The following GLT8D2 variants were observed in gnomAD, a reference collection of about 807,000 sequenced individuals.
The protein encoded by GLT8D2 is glycosyltransferase 8 domain containing 2.
GLT8D2 carries 45 observed loss-of-function variants against 44.5 expected under a neutral mutation model. That is an observed-to-expected ratio of 1.01 (90% CI 0.80 to 1.30). The LOEUF (loss-of-function observed/expected upper bound fraction) is 1.30. Ranked by LOEUF, GLT8D2 falls within the 50% of genes most tolerant of loss-of-function variation. The pLI is 0.00. For synonymous variants in GLT8D2, 156 were observed against 157.2 expected, an observed-to-expected ratio of 0.99 and a Z score of 0.06; for missense variants, 400 against 430.4, an observed-to-expected ratio of 0.93 and a Z score of 0.62.
intron 4 of GLT8D2, among the ~76,000 whole-genome samples, chr12:104,012,985 A>AC (rs1876076008): frequency 6.6e-6 from 1 of 152,168 alleles, no homozygotes; most frequent in Non-Finnish European, 1.5e-5. Flanking sequence ...TTGATCCTGG[A>AC]CTTCCAGCCT....
intron 6 of GLT8D2, 119 bp downstream of exon 6, chr12:103,999,278 G>A (rs1329186268): frequency 7.9e-6 from 5 of 634,108 alleles, no homozygotes; most frequent in Non-Finnish European, 1.4e-5. Context: ...GTTTGGTGGA[G>A]ATCAACTCCA....
intron 1 of GLT8D2, among the ~76,000 whole-genome samples, chr12:104,023,478 C>T (rs1370358096): frequency 1.3e-5 from 2 of 152,134 alleles, no homozygotes; most frequent in Admixed American, 1.3e-4. Context: ...TTCCATGACA[C>T]ATTTACTAAA....
intron 1 of GLT8D2, among the ~76,000 whole-genome samples, chr12:104,039,576 C>G (rs1880313704): frequency 6.6e-6 from 1 of 152,192 alleles, no homozygotes; most frequent in Non-Finnish European, 1.5e-5. Context: ...CAGAGAAATG[C>G]AAATCAAAAC....
intron 8 of GLT8D2, among the ~76,000 whole-genome samples, chr12:103,995,240 A>G (rs1223235627): frequency 6.6e-6 from 1 of 152,020 alleles, no homozygotes; most frequent in Non-Finnish European, 1.5e-5. Context: ...AGCTCCTCCA[A>G]TAGCTTCCCA....
chr12:104,032,465 G>GTAAAAAAAAAAA (rs1421816259), intron 1 of GLT8D2, among the ~76,000 whole-genome samples: 1 of 17,946 alleles, frequency 5.6e-5, no homozygotes, highest in East Asian at 2.4e-3. Context: ...ATGTGCAATA[G>GTAAAAAAAAAAA]CAAAAAAAAA....
intron 4 of GLT8D2, among the ~76,000 whole-genome samples, 177 bp downstream of exon 4, chr12:104,014,836 C>T (rs534454086): frequency 2.0e-5 from 3 of 152,290 alleles, no homozygotes; most frequent in South Asian, 4.2e-4. Context: ...TGAATAGCAC[C>T]GACCATCCTA....
At chr12:104,033,939 T>C (rs1879643196) in intron 1 of GLT8D2, among the ~76,000 whole-genome samples, 1 of 152,026 alleles carries the variant, frequency 6.6e-6, no homozygotes. Context: ...CACCTTGGTC[T>C]CCCAAAGCAC....
At chr12:104,047,035 C>T (rs1881227421) in intron 1 of GLT8D2, among the ~76,000 whole-genome samples, 1 of 151,998 alleles carries the variant, frequency 6.6e-6, no homozygotes, top group Non-Finnish European at 1.5e-5. Context: ...TGCTATGTTG[C>T]CTAGTCTGGT....
chr12:104,049,355 C>A (rs1881496861), intron 1 of GLT8D2: 1 of 151,392 alleles, frequency 6.6e-6, no homozygotes, highest in African/African-American at 2.4e-5. Flanking sequence ...AACATAAGAT[C>A]TTTTTTAATG....
intron 2 of GLT8D2, among the ~76,000 whole-genome samples, chr12:104,019,925 T>C (rs1290892603): frequency 6.6e-6 from 1 of 152,168 alleles, no homozygotes; most frequent in African/African-American, 2.4e-5. Flanking sequence ...AGAAGTTCTT[T>C]CTTTCTTTTT....
rs1002536761 is a variant in GLT8D2 at position 104,037,614 on chromosome 12, A to C, written c.-164+12281T>G. On this transcript the variant is annotated intron_variant, in intron 1 of 10. Transcript: ENST00000360814. ...TACCAGGAAGAAGTTGAATCTCTGA[A>C]TAGACCAATAACAGGCTCTGAAATT... is the stretch of plus-strand genomic sequence containing the variant. 2.0e-5 allele frequency among the ~76,000 whole-genome samples: 3 copies of C among 152,248 alleles called. No homozygotes were observed. In the South Asian group the frequency reaches 6.2e-4, roughly 31 times the overall value.
At chr12:104,019,922 C>A (rs1195410599) in intron 2 of GLT8D2, among the ~76,000 whole-genome samples, 3 of 152,048 alleles carry the variant, frequency 2.0e-5, no homozygotes, top group East Asian at 3.9e-4. Flanking sequence ...TTCAGAAGTT[C>A]TTTCTTTCTT....
At chr12:103,990,565 G>GAT (rs1215254260) in intron 10 of GLT8D2, among the ~76,000 whole-genome samples, 3 of 152,080 alleles carry the variant, frequency 2.0e-5, no homozygotes, top group African/African-American at 7.2e-5. Flanking sequence ...AAAGGAATTT[G>GAT]ATATATATAT....
intron 1 of GLT8D2, among the ~76,000 whole-genome samples, chr12:104,042,718 T>C (rs1453272161): frequency 6.6e-6 from 1 of 152,094 alleles, no homozygotes. Context: ...AAAGAAGAAT[T>C]GTCTTGGGCC....
intron 4 of GLT8D2, among the ~76,000 whole-genome samples, chr12:104,009,092 G>A (rs564033363): frequency 6.6e-6 from 1 of 152,348 alleles, no homozygotes; most frequent in East Asian, 1.9e-4. Context: ...ACTGCCTAGT[G>A]GAGCTGTGAG....
intron 1 of GLT8D2, among the ~76,000 whole-genome samples, chr12:104,055,787 AAGTCTTCTGTAGT>A (rs1882137293): frequency 6.6e-6 from 1 of 152,212 alleles, no homozygotes; most frequent in African/African-American, 2.4e-5. Flanking sequence ...GGAAAGGAAT[AAGTCTTCTGTAGT>A]AGTACATGAA....
At chr12:103,997,831 C>T (rs1022519428) in intron 6 of GLT8D2, among the ~76,000 whole-genome samples, 13 of 145,638 alleles carry the variant, frequency 8.9e-5, no homozygotes, top group African/African-American at 3.4e-4. Context: ...CACAGAGGCT[C>T]GTTAGTCACT....
chr12:104,045,891 ATAAGAAAG>A (rs1228175672), intron 1 of GLT8D2, among the ~76,000 whole-genome samples: 4 of 49,604 alleles, frequency 8.1e-5, no homozygotes, highest in South Asian at 8.1e-4. Flanking sequence ...GAAAAGAAAG[ATAAGAAAG>A]AAAGAAAGAA....
intron 9 of GLT8D2, 149 bp downstream of exon 9, chr12:103,994,186 C>T (rs534180610): frequency 8.3e-6 from 5 of 600,618 alleles, no homozygotes; most frequent in African/African-American, 3.8e-5. Flanking sequence ...TAATTGACTG[C>T]CCCCTTTTCT....
Sources: gnomAD v4.1 joint callset for allele counts (sites outside exome capture counted in the v4.1 genomes callset) on GRCh38, gnomAD v4.1.1 for gene constraint, MANE v1.5 for transcripts, NCBI Gene and HGNC (gene_info 2026-07-23, HGNC 2026-07-21) for gene names.